Variants in SOX5 observed in about 807,000 individuals in gnomAD.
SOX5 encodes the protein transcription factor SOX-5.
In SOX5, 9 loss-of-function variants were observed where a neutral mutation model predicts 92.0. That is an observed-to-expected ratio of 0.10 (90% CI 0.06 to 0.17). The LOEUF (loss-of-function observed/expected upper bound fraction) is 0.17. Ranked by LOEUF, SOX5 falls within the 10% of genes least tolerant of loss-of-function variation. SOX5 has a pLI of 1.00. For synonymous variants in SOX5, 344 were observed against 336.3 expected, an observed-to-expected ratio of 1.02 and a Z score of -0.25; for missense variants, 642 against 944.5, an observed-to-expected ratio of 0.68 and a Z score of 4.20.
At chr12:24,011,440 T>C (rs1461579607) in intron 4 of SOX5, among the ~76,000 whole-genome samples, 1 of 152,198 alleles carries the variant, frequency 6.6e-6, no homozygotes, top group East Asian at 1.9e-4. Context: ...AAATTTTCCT[T>C]ATATATTTTC....
At chr12:24,011,952 A>G (rs1952992075) in intron 4 of SOX5, among the ~76,000 whole-genome samples, 1 of 152,212 alleles carries the variant, frequency 6.6e-6, no homozygotes, top group Non-Finnish European at 1.5e-5. Flanking sequence ...TTAAACTGAG[A>G]TATCTGATGT....
intron 4 of SOX5, among the ~76,000 whole-genome samples, chr12:24,084,918 C>T (rs1042089684): frequency 1.3e-5 from 2 of 151,964 alleles, no homozygotes; most frequent in African/African-American, 2.4e-5. Flanking sequence ...CTAACAGAAA[C>T]CTTTAAGTGA....
intron 1 of SOX5, among the ~76,000 whole-genome samples, chr12:24,515,254 C>CTT (rs1212575513): frequency 6.6e-6 from 1 of 152,152 alleles, no homozygotes; most frequent in African/African-American, 2.4e-5. Context: ...TGAAAAACTA[C>CTT]TTACTTGTAC....
chr12:24,526,044 T>C (rs897878460), intron 1 of SOX5, among the ~76,000 whole-genome samples: 19 of 151,898 alleles, frequency 1.3e-4, no homozygotes, highest in African/African-American at 4.6e-4. Flanking sequence ...CTAACTTTTG[T>C]ACTTTCTGTA....
chr12:23,767,473 T>C (rs1425704932), intron 3 of SOX5, among the ~76,000 whole-genome samples: 1 of 152,112 alleles, frequency 6.6e-6, no homozygotes, highest in Non-Finnish European at 1.5e-5. Context: ...AAGTCCTCTT[T>C]ATTCAGAAAA....
chr12:23,752,034 T>C (rs1447731971), intron 4 of SOX5, among the ~76,000 whole-genome samples: 1 of 151,324 alleles, frequency 6.6e-6, no homozygotes, highest in African/African-American at 2.4e-5. Flanking sequence ...TTTGTGGGCC[T>C]GAATTAATGC....
chr12:24,095,294 G>T (rs1324983760), intron 4 of SOX5, among the ~76,000 whole-genome samples: 1 of 151,950 alleles, frequency 6.6e-6, no homozygotes, highest in East Asian at 1.9e-4. Context: ...AAACAAAATA[G>T]AATTGTAATT....
intron 4 of SOX5, among the ~76,000 whole-genome samples, chr12:24,112,658 G>C (rs1408500552): frequency 6.7e-6 from 1 of 150,050 alleles, no homozygotes; most frequent in African/African-American, 2.4e-5. Context: ...AGCCTCCTGA[G>C]TAGCTGGGAC....
chr12:24,306,581 G>A (rs1250318769), intron 2 of SOX5, among the ~76,000 whole-genome samples: 1 of 152,190 alleles, frequency 6.6e-6, no homozygotes, highest in Non-Finnish European at 1.5e-5. Flanking sequence ...CACCCACAAA[G>A]AAGCCCACAT....
chr12:23,994,513 A>G (rs1950858208), intron 4 of SOX5, among the ~76,000 whole-genome samples: 1 of 152,136 alleles, frequency 6.6e-6, no homozygotes, highest in African/African-American at 2.4e-5. Flanking sequence ...AAATACATGG[A>G]TTCTTTTTGC....
intron 2 of SOX5, among the ~76,000 whole-genome samples, chr12:24,326,918 T>C (rs1012993400): frequency 6.6e-6 from 1 of 152,152 alleles, no homozygotes; most frequent in African/African-American, 2.4e-5. Context: ...TTCCATCATC[T>C]GTCTTCCCCT....
In SOX5 at chr12:23,857,274, G is replaced by C. The variant is rs566914048; in HGVS notation, c.271-11081C>G. On this transcript the variant is annotated intron_variant, in intron 2 of 14. Transcript: ENST00000451604. ...AATGGAGAACTATTGTTGATCTACAGTGAGTGATTCTATTAAAGTAGCTTG... is the reference window on the plus strand; with the variant it reads ...AATGGAGAACTATTGTTGATCTACACTGAGTGATTCTATTAAAGTAGCTTG... 2.6e-5 allele frequency among the ~76,000 whole-genome samples: 4 copies of C among 152,304 alleles called. No homozygotes were observed. In the East Asian group the frequency reaches 5.8e-4, roughly 22 times the overall value.
At chr12:23,774,386 ATATT>A (rs1430299391) in intron 3 of SOX5, among the ~76,000 whole-genome samples, 1 of 152,200 alleles carries the variant, frequency 6.6e-6, no homozygotes, top group Non-Finnish European at 1.5e-5. Flanking sequence ...ACTAGCCAGA[ATATT>A]TATCTAATAA....
At chr12:24,257,532 A>G (rs1032810466) in intron 3 of SOX5, among the ~76,000 whole-genome samples, 50 of 152,104 alleles carry the variant, frequency 3.3e-4, no homozygotes, top group South Asian at 1.2e-3. Flanking sequence ...GCAGTGGCGC[A>G]GTCTTGGCTC....
intron 2 of SOX5, among the ~76,000 whole-genome samples, chr12:24,354,672 AC>A (rs1484010561): frequency 6.6e-6 from 1 of 152,220 alleles, no homozygotes; most frequent in Non-Finnish European, 1.5e-5. Flanking sequence ...GGCAAAATCA[AC>A]CCAGGATATC....
chr12:23,787,615 T>C lies in SOX5; in HGVS notation c.482-31891A>G, dbSNP rs2095404056. Among the ~76,000 whole-genome samples the C allele has an allele frequency of 2.0e-5, 3 of 151,926 alleles. No individual in the cohort carries two copies. The South Asian group carries it at 6.2e-4, about 31-fold the overall frequency. Reference sequence around the variant, plus strand: ...TTTCAAGTAACACCCATTGCTAACATAGAAATTTAAAGTCTTCAGTAAGAG... The same window carrying C: ...TTTCAAGTAACACCCATTGCTAACACAGAAATTTAAAGTCTTCAGTAAGAG... On this transcript the variant is annotated intron_variant, in intron 3 of 14. Transcript: ENST00000451604.
intron 4 of SOX5, among the ~76,000 whole-genome samples, chr12:24,017,726 C>A (rs1188948346): frequency 6.6e-6 from 1 of 152,174 alleles, no homozygotes; most frequent in Non-Finnish European, 1.5e-5. Context: ...ATGCAAGAAT[C>A]TTCTCAGTTG....
chr12:24,497,706 C>T (rs1427122112), intron 1 of SOX5, among the ~76,000 whole-genome samples: 1 of 152,100 alleles, frequency 6.6e-6, no homozygotes, highest in Admixed American at 6.6e-5. Flanking sequence ...TGAGTACACA[C>T]CCAAAGGAAT....
chr12:23,631,128 C>T (rs2078478063), intron 8 of SOX5, among the ~76,000 whole-genome samples: 1 of 151,950 alleles, frequency 6.6e-6, no homozygotes, highest in African/African-American at 2.4e-5. Flanking sequence ...AAATAGTTTT[C>T]TAGTATCAAC....
Sources: gnomAD v4.1 joint callset for allele counts (sites outside exome capture counted in the v4.1 genomes callset) on GRCh38, gnomAD v4.1.1 for gene constraint, MANE v1.5 for transcripts, NCBI Gene and HGNC (gene_info 2026-07-23, HGNC 2026-07-21) for gene names.